ZMIZ1: variants seen among roughly 807,000 people sequenced by gnomAD.
The protein encoded by ZMIZ1 is zinc finger MIZ domain-containing protein 1.
In ZMIZ1, 17 loss-of-function variants were observed where a neutral mutation model predicts 113.9. The ratio of observed to expected loss-of-function variants is 0.15; its 90% CI spans 0.10 to 0.22. The LOEUF (loss-of-function observed/expected upper bound fraction) is 0.22, where lower values mean the gene tolerates loss of function less well. Ranked by LOEUF, ZMIZ1 falls within the 10% of genes least tolerant of loss-of-function variation. The probability of loss-of-function intolerance (pLI) is 1.00; values close to 1 mark genes in which losing one functional copy is unlikely to be tolerated. For missense variants in ZMIZ1, 1,059 were observed against 1,477.8 expected (o/e 0.72, Z 4.65); for synonymous variants, 607 against 603.1 (o/e 1.01, Z -0.09).
intron 1 of ZMIZ1, among the ~76,000 whole-genome samples, chr10:79,071,151 G>GC (rs1339923037): frequency 1.3e-5 from 2 of 152,232 alleles, no homozygotes; most frequent in African/African-American, 2.4e-5. Flanking sequence ...GCCTGTGGAA[G>GC]CCCCTGGCTC....
At chr10:79,178,325 C>T (rs1024715556) in intron 4 of ZMIZ1, among the ~76,000 whole-genome samples, 3 of 152,228 alleles carry the variant, frequency 2.0e-5, no homozygotes, top group Non-Finnish European at 2.9e-5. Context: ...GGTGTGGCCA[C>T]GCAGTCCCTT....
chr10:79,254,598 CCAGGGCCACCCCT>C (rs1280230098), intron 7 of ZMIZ1, among the ~76,000 whole-genome samples: 4 of 152,256 alleles, frequency 2.6e-5, no homozygotes, highest in African/African-American at 9.6e-5. Context: ...GGAATTAGAG[CCAGGGCCACCCCT>C]CAGGCAGGTC....
intron 4 of ZMIZ1, among the ~76,000 whole-genome samples, chr10:79,166,046 C>T (rs911270124): frequency 1.1e-5 from 1 of 93,598 alleles, no homozygotes; most frequent in African/African-American, 4.4e-5. Flanking sequence ...CTCTGCGTGT[C>T]TCTGTCCCAT....
In ZMIZ1 at chr10:79,079,582, CTG is replaced by C. The variant is rs574452656; in HGVS notation, c.-337+10315_-337+10316del. On this transcript the variant is annotated intron_variant, in intron 1 of 24. Transcript: ENST00000334512. ...GCTTGACATGTTCCTGGCAAGGAAACTGTGACCAAGGGATGTGAAGCGACTTG... is the reference window on the plus strand; with the variant it reads ...GCTTGACATGTTCCTGGCAAGGAAACTGACCAAGGGATGTGAAGCGACTTG... Among the ~76,000 whole-genome samples the C allele has an allele frequency of 2.3e-4, 35 of 152,356 alleles. 1 individual carries two copies. The East Asian group carries it at 6.2e-3, about 27-fold the overall frequency.
intron 3 of ZMIZ1, 51 bp from the exon 4 acceptor site, chr10:79,162,002 T>TG (rs1846130211): frequency 5.0e-6 from 2 of 398,932 alleles, no homozygotes; most frequent in Admixed American, 4.4e-5. Context: ...TCATGGTCAG[T>TG]GCCGGGCCTC....
intron 3 of ZMIZ1, among the ~76,000 whole-genome samples, chr10:79,144,213 A>G (rs937332487): frequency 6.6e-6 from 1 of 152,166 alleles, no homozygotes; most frequent in Non-Finnish European, 1.5e-5. Flanking sequence ...GCGGGACTGG[A>G]CTGGACTTAC....
chr10:79,166,869 A>T (rs1040284766), intron 4 of ZMIZ1, among the ~76,000 whole-genome samples: 1 of 152,252 alleles, frequency 6.6e-6, no homozygotes, highest in Non-Finnish European at 1.5e-5. Flanking sequence ...TTGGTCAGCC[A>T]GTCTTCCTGG....
In ZMIZ1 at chr10:79,304,130, G is replaced by A; in HGVS notation, c.2241G>A (p.Arg747=). 1 of 1,614,168 alleles carries A rather than the reference G, an allele frequency of 6.2e-7. No individual in the cohort carries two copies. Among genetic ancestry groups the A allele is most frequent in the Non-Finnish European group, 8.5e-7 (1 of 1,179,996 alleles). ...KVSLKCPITF[R]RIQLPARGHD... ...CTCTGAAGTGCCCCATCACATTCCG[G>A]CGCATCCAGCTGCCTGCTCGAGGAC... Residue 747 remains arginine, a synonymous_variant, in exon 19 of 25, where the codon CGG becomes CGA. Transcript: ENST00000334512.
chr10:79,096,847 A>G (rs201020179), intron 1 of ZMIZ1, among the ~76,000 whole-genome samples: 1 of 152,224 alleles, frequency 6.6e-6, no homozygotes, highest in Non-Finnish European at 1.5e-5. Context: ...AAATTATGAT[A>G]AGCACCAAGA....
chr10:79,093,795 C>T (rs1843073583), intron 1 of ZMIZ1, among the ~76,000 whole-genome samples: 1 of 152,228 alleles, frequency 6.6e-6, no homozygotes, highest in Non-Finnish European at 1.5e-5. Context: ...TTCAGGGCCT[C>T]TCTCTGGGCC....
At chr10:79,187,682 G>A (rs1305076566) in intron 4 of ZMIZ1, among the ~76,000 whole-genome samples, 4 of 152,200 alleles carry the variant, frequency 2.6e-5, no homozygotes, top group African/African-American at 4.8e-5. Context: ...AGTGCAGTAT[G>A]CATGCTGGCA....
intron 3 of ZMIZ1, among the ~76,000 whole-genome samples, chr10:79,143,988 G>T (rs987603462): frequency 1.1e-4 from 16 of 152,176 alleles, no homozygotes; most frequent in African/African-American, 3.6e-4. Flanking sequence ...AGGGGGAGAT[G>T]CCCCTCCAAC....
rs1470349223 is a variant in ZMIZ1 at position 79,314,406 on chromosome 10, G to A, written c.*1657G>A. The A allele has an allele frequency of 2.7e-6, 1 of 371,610 alleles. No homozygotes were observed. Among genetic ancestry groups the A allele is most frequent in the African/African-American group, 2.1e-5 (1 of 47,414 alleles). 23.0% of individuals were successfully genotyped at this position (371,610 alleles called of 1,614,324 possible). On this transcript the variant is annotated 3_prime_UTR_variant, in exon 25 of 25. Transcript: ENST00000334512. ...TTTTACCGGAAAGGTGGCCCCAGCT[G>A]TTGACTTCCAGTCACTGTCCCAGAC...
At chr10:79,158,705 C>T (rs1219667971) in intron 3 of ZMIZ1, among the ~76,000 whole-genome samples, 1 of 152,234 alleles carries the variant, frequency 6.6e-6, no homozygotes, top group Non-Finnish European at 1.5e-5. Context: ...CCCCAGCCCA[C>T]ACCCAGGTCC....
At chr10:79,165,340 T>C (rs1419668320) in intron 4 of ZMIZ1, among the ~76,000 whole-genome samples, 1 of 152,152 alleles carries the variant, frequency 6.6e-6, no homozygotes, top group Non-Finnish European at 1.5e-5. Context: ...GGCCCTAATG[T>C]GGGACCAGGG....
chr10:79,095,000 G>A lies in ZMIZ1; in HGVS notation c.-336-23915G>A, dbSNP rs186554955. Among the ~76,000 whole-genome samples, 8 of 151,674 alleles carry A rather than the reference G, an allele frequency of 5.3e-5. No individual in the cohort carries two copies. The East Asian group carries it at 1.4e-3, about 26-fold the overall frequency. Reference sequence around the variant, plus strand: ...AGAGAGAAAGCAAGCAAGCAGTGGCGCTGGATGCTGATCAGAGGCCTGGGG... The same window carrying A: ...AGAGAGAAAGCAAGCAAGCAGTGGCACTGGATGCTGATCAGAGGCCTGGGG... On this transcript the variant is annotated intron_variant, in intron 1 of 24. Transcript: ENST00000334512.
At position 79,100,279 on chromosome 10, in the gene ZMIZ1, C is replaced by T. The variant is rs531357965; in HGVS notation, c.-336-18636C>T. ...AGAGGAGGTGGCCTTTGTGCTTCAG[C>T]CCAAAGGATGAGTTGGGGAATGCTC... On this transcript the variant is annotated intron_variant, in intron 1 of 24. Coordinates refer to ENST00000334512, the MANE Select transcript of ZMIZ1 (RefSeq NM_020338.4). Among the ~76,000 whole-genome samples the T allele has an allele frequency of 1.1e-4, 17 of 151,952 alleles. No individual in the cohort carries two copies. In the South Asian group the frequency reaches 3.5e-3, roughly 32 times the overall value.
intron 7 of ZMIZ1, among the ~76,000 whole-genome samples, chr10:79,228,926 GT>G (rs1272846512): frequency 2.6e-5 from 4 of 152,218 alleles, no homozygotes; most frequent in Non-Finnish European, 4.4e-5. Flanking sequence ...GAAATGATAG[GT>G]ACCAAGTATG....
At chr10:79,308,610 G>A (rs1256800608) in intron 23 of ZMIZ1, among the ~76,000 whole-genome samples, 1 of 152,198 alleles carries the variant, frequency 6.6e-6, no homozygotes, top group African/African-American at 2.4e-5. Context: ...AGGTGAGGTA[G>A]CAGCAACTTT....
Sources: allele counts gnomAD v4.1 joint callset (sites outside exome capture counted in the v4.1 genomes callset), GRCh38; gene constraint gnomAD v4.1.1; transcripts MANE v1.5; gene names NCBI Gene and HGNC (gene_info 2026-07-23, HGNC 2026-07-21).